Variants in RUFY3 observed in about 807,000 individuals in gnomAD.
RUFY3 encodes protein RUFY3.
In RUFY3, 34 loss-of-function variants were observed where a neutral mutation model predicts 84.0. That is an observed-to-expected ratio of 0.40 (90% CI 0.31 to 0.54). The LOEUF is 0.54. Among genes scored for constraint, RUFY3 ranks in the 20% least tolerant of loss-of-function variants. The probability of loss-of-function intolerance (pLI) is 0.39; values close to 1 mark genes in which losing one functional copy is unlikely to be tolerated. For synonymous variants in RUFY3, 242 were observed against 252.9 expected, an observed-to-expected ratio of 0.96 and a Z score of 0.41; for missense variants, 507 against 736.8, an observed-to-expected ratio of 0.69 and a Z score of 3.61.
At chr4:70,779,706 C>T (rs947691889) in intron 8 of RUFY3, among the ~76,000 whole-genome samples, 2 of 151,880 alleles carry the variant, frequency 1.3e-5, no homozygotes, top group Non-Finnish European at 2.9e-5. Context: ...CCTCAGCCTC[C>T]CAAGTAGCTG....
At chr4:70,708,351 T>C (rs1306749135) in intron 1 of RUFY3, among the ~76,000 whole-genome samples, 3 of 151,796 alleles carry the variant, frequency 2.0e-5, no homozygotes, top group Admixed American at 1.3e-4. Flanking sequence ...TTTTTTTGTA[T>C]TTTAGTAGAG....
chr4:70,801,542 A>AG (rs1732232810), intron 15 of RUFY3, among the ~76,000 whole-genome samples: 1 of 152,202 alleles, frequency 6.6e-6, no homozygotes, highest in African/African-American at 2.4e-5. Flanking sequence ...AGGTGGAGGA[A>AG]GAGGTTAGTG....
intron 1 of RUFY3, among the ~76,000 whole-genome samples, chr4:70,757,827 A>G (rs1056704972): frequency 6.6e-6 from 1 of 152,202 alleles, no homozygotes; most frequent in African/African-American, 2.4e-5. Context: ...AACAATATCT[A>G]ACACATAGTA....
At chr4:70,718,751 G>A (rs1023578897), upstream of RUFY3, among the ~76,000 whole-genome samples, 3 of 151,346 alleles carry the variant, frequency 2.0e-5, no homozygotes, top group Non-Finnish European at 2.9e-5. Flanking sequence ...TCTTTGAGAC[G>A]GAGTTTCACA....
At chr4:70,792,356 A>G in intron 12 of RUFY3, 3 of 964,610 alleles carry the variant, frequency 3.1e-6, no homozygotes, top group Non-Finnish European at 3.7e-6. Flanking sequence ...TAGGAAGTAA[A>G]TGATAAACTT....
At chr4:70,743,750 A>T (rs1313147479) in intron 1 of RUFY3, among the ~76,000 whole-genome samples, 1 of 152,152 alleles carries the variant, frequency 6.6e-6, no homozygotes, top group African/African-American at 2.4e-5. Flanking sequence ...ATATATGGTA[A>T]TGTTGATCAA....
intron 12 of RUFY3, chr4:70,792,227 C>G (rs747606073): frequency 1.0e-6 from 1 of 985,242 alleles, no homozygotes; most frequent in East Asian, 1.1e-4. Context: ...TTCTGCCTGG[C>G]CTGTCATTTC....
At chr4:70,756,546 T>C (rs1724051065) in intron 1 of RUFY3, among the ~76,000 whole-genome samples, 1 of 152,194 alleles carries the variant, frequency 6.6e-6, no homozygotes, top group African/African-American at 2.4e-5. Flanking sequence ...TGTTCTTCCA[T>C]ACTTCTGTAC....
intron 6 of RUFY3, among the ~76,000 whole-genome samples, chr4:70,774,420 C>T (rs997779293): frequency 2.0e-5 from 3 of 149,454 alleles, no homozygotes; most frequent in Non-Finnish European, 3.0e-5. Flanking sequence ...ACCAGCCTGG[C>T]CAACATGGTG....
intron 1 of RUFY3, among the ~76,000 whole-genome samples, chr4:70,731,859 A>C (rs1470956020): frequency 6.6e-6 from 1 of 152,228 alleles, no homozygotes; most frequent in Non-Finnish European, 1.5e-5. Flanking sequence ...GAGCCACCGC[A>C]CTTAGCCTGA....
intron 1 of RUFY3, among the ~76,000 whole-genome samples, chr4:70,733,154 GAGAGAGAGAGAGAA>G (rs1560464244): frequency 3.5e-4 from 51 of 144,184 alleles, no homozygotes; most frequent in African/African-American, 1.2e-3. Context: ...GAGAGAGAGA[GAGAGAGAGAGAGAA>G]AGAAAGAAAG....
chr4:70,726,152 A>G (rs1411210614), intron 1 of RUFY3, among the ~76,000 whole-genome samples: 2 of 152,160 alleles, frequency 1.3e-5, no homozygotes, highest in Non-Finnish European at 2.9e-5. Flanking sequence ...AAGAGTGAAC[A>G]CCAAAGGAAC....
chr4:70,744,138 C>T (rs993677367), intron 1 of RUFY3, among the ~76,000 whole-genome samples: 3 of 152,116 alleles, frequency 2.0e-5, no homozygotes, highest in African/African-American at 7.2e-5. Flanking sequence ...GTTTTCAATG[C>T]TGTTTCTCAT....
upstream of RUFY3, among the ~76,000 whole-genome samples, chr4:70,721,305 A>C (rs1164173640): frequency 2.0e-5 from 3 of 151,270 alleles, no homozygotes; most frequent in African/African-American, 4.9e-5. Flanking sequence ...AAAAAGAAAA[A>C]AGAAAAAAAA....
intron 5 of RUFY3, among the ~76,000 whole-genome samples, chr4:70,772,959 C>A (rs113219264): frequency 1.3e-5 from 2 of 152,006 alleles, no homozygotes; most frequent in African/African-American, 4.8e-5. Flanking sequence ...CTGCGCCCGG[C>A]CTTTGGTGTG....
In RUFY3 at chr4:70,802,988, CAG is replaced by C. The variant is rs1560579027; in HGVS notation, c.1650+8_1650+9del. 8.7e-6 allele frequency: 14 copies of C among 1,605,960 alleles called. No individual in the cohort carries two copies. The highest frequency in any genetic ancestry group is 1.2e-5 in the Non-Finnish European group (14 of 1,175,442). ...CCCCACCCTATGGATGAACAGGTAA[CAG>C]AGCCTCCTGTTTCAAAACATCTTGT... On this transcript the variant is annotated splice_donor_region_variant and intron_variant, in intron 16 of 17. Transcript: ENST00000381006.
Position 70,800,173 on chromosome 4 carries a change from TA to T in RUFY3, c.1593del (p.Lys531AsnfsTer2), listed in dbSNP as rs569862963. The T allele has an allele frequency of 2.2e-5, 35 of 1,607,358 alleles. No homozygotes were observed. The East Asian group carries it at 4.2e-4, about 19-fold the overall frequency. ...AGCACAAAATGCAAGAGGAAAATGT[TA>T]AACTAAAAAAGCCCCTGGAAGAAAG... Reference protein sequence around the residue: ...GKHKMQEENVKLKKPLEESHR... With the variant: ...GKHKMQEENVXLKKPLEESHR... On this transcript the variant is annotated frameshift_variant, in exon 15 of 18. Coordinates refer to ENST00000381006, the MANE Select transcript of RUFY3 (RefSeq NM_001037442.4). LOFTEE classifies it high-confidence loss of function.
chr4:70,798,932 C>T (rs1243723122), intron 14 of RUFY3, among the ~76,000 whole-genome samples: 5 of 150,114 alleles, frequency 3.3e-5, no homozygotes, highest in African/African-American at 1.2e-4. Context: ...GGGCAGACTA[C>T]CTGGGTCGGG....
chr4:70,716,169 G>A (rs1741581024), intron 1 of RUFY3, among the ~76,000 whole-genome samples: 1 of 151,788 alleles, frequency 6.6e-6, no homozygotes, highest in Middle Eastern at 3.4e-3. Context: ...TTTTTGAGAC[G>A]GAGTCTCTCT....
Sources: gnomAD v4.1 joint callset for allele counts (sites outside exome capture counted in the v4.1 genomes callset) on GRCh38, gnomAD v4.1.1 for gene constraint, MANE v1.5 for transcripts, NCBI Gene and HGNC (gene_info 2026-07-23, HGNC 2026-07-21) for gene names.